MED13: variants seen among roughly 807,000 people sequenced by gnomAD.
MED13 encodes mediator complex subunit 13.
Under a neutral mutation model 225.2 loss-of-function variants are expected in MED13, and 23 were observed. The observed-to-expected ratio is 0.10, with a 90% CI of 0.07 to 0.14. The LOEUF is 0.14. MED13 is among the 10% of genes least tolerant of loss of function. MED13 has a pLI of 1.00. For synonymous variants in MED13, 942 were observed against 889.2 expected (o/e 1.06, Z -1.06); for missense variants, 2,197 against 2,594.5 (o/e 0.85, Z 3.33).
intron 2 of MED13, among the ~76,000 whole-genome samples, chr17:62,060,510 C>T (rs1463008920): frequency 6.6e-6 from 1 of 151,556 alleles, no homozygotes; most frequent in African/African-American, 2.4e-5. Flanking sequence ...GTCCCAGGTA[C>T]TCAGGAGGCT....
intron 8 of MED13, among the ~76,000 whole-genome samples, chr17:62,020,612 C>T (rs2080631405): frequency 6.6e-6 from 1 of 150,792 alleles, no homozygotes; most frequent in South Asian, 2.1e-4. Context: ...ATCTTTTGAC[C>T]TCGTGATCCT....
intron 8 of MED13, among the ~76,000 whole-genome samples, chr17:62,026,138 T>C (rs867366208): frequency 7.2e-5 from 11 of 152,188 alleles, no homozygotes; most frequent in African/African-American, 1.7e-4. Flanking sequence ...TTTACTTGAA[T>C]GCAAAAGCCT....
intron 3 of MED13, among the ~76,000 whole-genome samples, chr17:62,039,616 A>G (rs966436970): frequency 3.1e-5 from 4 of 128,286 alleles, no homozygotes; most frequent in Non-Finnish European, 6.4e-5. Flanking sequence ...TTTTTGAGAC[A>G]GTTTCACTCT....
Position 62,065,220 on chromosome 17 carries a change from G to A in MED13, c.-15C>T. ...GAGGCACTCATCGTCCCTCACAGCA[G>A]CCGCCGCCGGCGCCACAACCCACCA... On this transcript the variant is annotated 5_prime_UTR_variant, in exon 1 of 30. Transcript: ENST00000397786. The A allele has an allele frequency of 6.7e-7, 1 of 1,483,066 alleles. No individual in the cohort carries two copies. Among genetic ancestry groups the A allele is most frequent in the South Asian group, 1.2e-5 (1 of 83,580 alleles). The allele number at this position is 1,483,066 out of a possible 1,614,324, so 91.9% of individuals were successfully genotyped here. A position where few individuals can be genotyped will look rare whatever the true frequency, so the allele number is the denominator to read the frequency against.
chr17:61,948,341 T>A (rs988557505), intron 28 of MED13, among the ~76,000 whole-genome samples: 6 of 152,194 alleles, frequency 3.9e-5, no homozygotes, highest in African/African-American at 1.4e-4. Context: ...TTTCTGCAAA[T>A]AAATACTGAG....
chr17:62,053,270 C>A (rs917574407), intron 2 of MED13, among the ~76,000 whole-genome samples: 3 of 152,178 alleles, frequency 2.0e-5, no homozygotes, highest in Non-Finnish European at 4.4e-5. Context: ...GGTCTCATTT[C>A]AAACAAATTA....
chr17:62,020,440 G>C (rs1281915676), intron 8 of MED13, among the ~76,000 whole-genome samples: 1 of 151,698 alleles, frequency 6.6e-6, no homozygotes, highest in Non-Finnish European at 1.5e-5. Context: ...GCAGTGGCAC[G>C]ATCTCGGCTC....
At chr17:62,029,720 AAATT>A (rs1360017887) in intron 7 of MED13, 69 bp from the exon 8 acceptor site, 1 of 1,530,062 alleles carries the variant, frequency 6.5e-7, no homozygotes, top group African/African-American at 1.4e-5. Flanking sequence ...TGTAGCATTG[AAATT>A]AATTTTAAAG....
At chr17:61,994,957 T>C (rs952269158) in intron 10 of MED13, among the ~76,000 whole-genome samples, 195 bp downstream of exon 10, 10 of 152,182 alleles carry the variant, frequency 6.6e-5, no homozygotes, top group Non-Finnish European at 1.5e-4. Flanking sequence ...GTGATCTGCC[T>C]GCCTCGGCCT....
In MED13 at chr17:61,957,536, G is replaced by A. The variant is rs1474739043; in HGVS notation, c.5481-1055C>T. Among the ~76,000 whole-genome samples, 11 of 152,080 alleles carry A rather than the reference G, an allele frequency of 7.2e-5. No individual in the cohort carries two copies. In the East Asian group the frequency reaches 2.1e-3, roughly 29 times the overall value. On this transcript the variant is annotated intron_variant, in intron 23 of 29. Coordinates refer to ENST00000397786, the MANE Select transcript of MED13 (RefSeq NM_005121.3). ...GGCTAATTTTTGTATTTTTAGTAGA[G>A]ATGGGGTTTCACTATCTTGGCCAGG...
intron 24 of MED13, among the ~76,000 whole-genome samples, chr17:61,956,108 G>A (rs1436129101): frequency 2.0e-5 from 3 of 151,930 alleles, no homozygotes; most frequent in Admixed American, 6.6e-5. Context: ...TCAGAAAGTG[G>A]AAAAAACAGA....
At chr17:62,020,703 T>C (rs9891868) in intron 8 of MED13, among the ~76,000 whole-genome samples, 3,211 of 150,122 alleles carry the variant, frequency 0.021, 88 homozygotes, top group African/African-American at 0.073. Context: ...TTTTTTTTTT[T>C]TTTAATTGAT....
rs1334970188 is a variant in MED13 at position 62,052,542 on chromosome 17, A to G, written c.465T>C (p.Asn155=). The change falls in exon 3 of 30, where the codon AAT becomes AAC. Residue 155 remains asparagine, a synonymous_variant. Coordinates refer to ENST00000397786, the MANE Select transcript of MED13 (RefSeq NM_005121.3). ...KPYEKDEKPI[N]KSEHLSCSFT... Reference sequence around the variant, plus strand: ...CAGAATTTAAGATAGCTTACCTTTTATTTATAGGTTTTTCATCTTTTTCAT... The same window carrying G: ...CAGAATTTAAGATAGCTTACCTTTTGTTTATAGGTTTTTCATCTTTTTCAT... 1.6e-5 allele frequency: 25 copies of G among 1,574,244 alleles called. No homozygotes were observed. The highest frequency in any genetic ancestry group is 2.2e-5 in the Non-Finnish European group (25 of 1,161,244).
At chr17:61,990,620 G>A (rs865981371) in intron 11 of MED13, among the ~76,000 whole-genome samples, 51 of 109,486 alleles carry the variant, frequency 4.7e-4, no homozygotes, top group South Asian at 9.8e-4. Flanking sequence ...CACACTTGGC[G>A]CACTGTGTAT....
rs371578488 is a variant in MED13, at chr17:61,984,206, A to C, written c.2853T>G (p.Leu951=). The C allele has an allele frequency of 2.4e-5, 39 of 1,602,286 alleles. No individual in the cohort carries two copies. The highest frequency in any genetic ancestry group is 2.6e-5 in the Non-Finnish European group (30 of 1,175,462). ...QSWTVGKLEL[L]SSGPSMPFIK... Reference sequence around the variant, plus strand: ...TGAATGGCATTGAAGGCCCTGAAGAAAGCAATTCCAATTTTCCAACAGTCC... The same window carrying C: ...TGAATGGCATTGAAGGCCCTGAAGACAGCAATTCCAATTTTCCAACAGTCC... The change falls in exon 15 of 30, where the codon CTT becomes CTG. Residue 951 remains leucine (L), a synonymous_variant. Coordinates refer to ENST00000397786, the MANE Select transcript of MED13 (RefSeq NM_005121.3).
At chr17:61,964,220 T>G (rs1248376819) in intron 20 of MED13, among the ~76,000 whole-genome samples, 1 of 152,200 alleles carries the variant, frequency 6.6e-6, no homozygotes, top group Non-Finnish European at 1.5e-5. Context: ...CACCCTCAGA[T>G]TCTAGAATTC....
intron 8 of MED13, among the ~76,000 whole-genome samples, chr17:62,021,295 G>A (rs1308548761): frequency 2.7e-5 from 4 of 147,718 alleles, no homozygotes; most frequent in African/African-American, 4.9e-5. Context: ...CCTCCCGGAC[G>A]GGGCGGCTGG....
intron 6 of MED13, chr17:62,030,500 C>G (rs2143674421): frequency 6.6e-6 from 1 of 152,602 alleles, no homozygotes; most frequent in Middle Eastern, 3.4e-3. Flanking sequence ...GTTTGGAGGC[C>G]AGGATGAGCC....
In MED13 at chr17:62,028,184, A is replaced by C. The variant is rs190513418; in HGVS notation, c.1283+1357T>G. Among the ~76,000 whole-genome samples, 221 of 152,334 alleles carry C rather than the reference A, an allele frequency of 1.5e-3. 1 individual carries two copies. The highest frequency in any genetic ancestry group is 5.1e-3 in the African/African-American group (210 of 41,572). On this transcript the variant is annotated intron_variant, in intron 8 of 29. Coordinates refer to ENST00000397786, the MANE Select transcript of MED13 (RefSeq NM_005121.3). ...ATCAATGACAGACTGGATAAAGAAAATGTGGTACATATACACCATGGAATA... is the reference window on the plus strand; with the variant it reads ...ATCAATGACAGACTGGATAAAGAAACTGTGGTACATATACACCATGGAATA...
Sources: gnomAD v4.1 joint callset for allele counts (sites outside exome capture counted in the v4.1 genomes callset) on GRCh38, gnomAD v4.1.1 for gene constraint, MANE v1.5 for transcripts, NCBI Gene and HGNC (gene_info 2026-07-23, HGNC 2026-07-21) for gene names.